TNNI1: variants seen among roughly 807,000 people sequenced by gnomAD.
TNNI1 encodes troponin I1, slow skeletal type, also known as troponin I, slow skeletal muscle.
In TNNI1, 14 loss-of-function variants were observed where a neutral mutation model predicts 26.7. The observed-to-expected ratio is 0.52, with a 90% CI of 0.35 to 0.82. The LOEUF is 0.82. TNNI1 is among the 40% of genes least tolerant of loss of function. The pLI, the probability that TNNI1 is intolerant of heterozygous loss-of-function variation, is 0.01. For missense variants in TNNI1, 164 were observed against 257.0 expected (o/e 0.64, Z 2.47); for synonymous variants, 79 against 98.2 (o/e 0.80, Z 1.16).
intron 1 of TNNI1, among the ~76,000 whole-genome samples, chr1:201,420,291 G>A (rs143350328): frequency 1.3e-5 from 2 of 152,360 alleles, no homozygotes; most frequent in African/African-American, 2.4e-5. Flanking sequence ...CCCCTCAGAC[G>A]GGGGCCCTTG....
chr1:201,418,124 A>C (rs1662787225), intron 1 of TNNI1, among the ~76,000 whole-genome samples: 1 of 151,918 alleles, frequency 6.6e-6, no homozygotes, highest in Admixed American at 6.6e-5. Context: ...TTTCCAGATA[A>C]AGCTTGCCAA....
Position 201,405,989 on chromosome 1 carries a change from C to G in TNNI1, c.*3264G>C, listed in dbSNP as rs139629926. On this transcript the variant is annotated 3_prime_UTR_variant, in exon 9 of 9. Transcript: ENST00000361379. ...ATGTTGGAGGAAGGCCTCACCTTAGCCCATCTGTATGTCACCTGCATCTCC... is the reference window on the plus strand; with the variant it reads ...ATGTTGGAGGAAGGCCTCACCTTAGGCCATCTGTATGTCACCTGCATCTCC... 2.0e-5 allele frequency: 3 copies of G among 152,576 alleles called. No individual in the cohort carries two copies. The highest frequency in any genetic ancestry group is 4.4e-5 in the Non-Finnish European group (3 of 68,326). 9.5% of individuals were successfully genotyped at this position (152,576 alleles called of 1,614,324 possible). A position where few individuals can be genotyped will look rare whatever the true frequency, so the allele number is the denominator to read the frequency against.
At position 201,411,031 on chromosome 1, in the gene TNNI1, T is replaced by A. The variant is rs1008966542; in HGVS notation, c.456+326A>T. Among the ~76,000 whole-genome samples, 6 of 152,236 alleles carry A rather than the reference T, an allele frequency of 3.9e-5. No homozygotes were observed. The highest frequency in any genetic ancestry group is 1.4e-4 in the African/African-American group (6 of 41,466). On this transcript the variant is annotated intron_variant, in intron 7 of 8. Transcript: ENST00000361379. This position sits in a 1 kb window ranked among gnomAD's most constrained non-coding sequence, Gnocchi z 4.6. ...GAGCTGCTGTCTCCTTTCCCTGTGG[T>A]GACCAGGCAGTCATCTCCACCATTA... is the stretch of plus-strand genomic sequence containing the variant.
Position 201,413,080 on chromosome 1 carries a change from ATCCACCACC to A in TNNI1, c.222_230del (p.Glu74_Val76del). The A allele has an allele frequency of 1.2e-6, 2 of 1,613,994 alleles. No homozygotes were observed. Among genetic ancestry groups the A allele is most frequent in the Non-Finnish European group, 1.7e-6 (2 of 1,179,940 alleles). On this transcript the variant is annotated inframe_deletion, in exon 6 of 9. Coordinates refer to ENST00000361379, the MANE Select transcript of TNNI1 (RefSeq NM_003281.4). ...TGGCCTCAATGTCGTATCGCTCCTC[ATCCACCACC>A]TCCACCTTGGCGTGCAGCTCCCGGC...
At position 201,405,954 on chromosome 1, in the gene TNNI1, C is replaced by G. The variant is rs971697368; in HGVS notation, c.*3299G>C. 2.0e-5 allele frequency: 3 copies of G among 152,458 alleles called. No homozygotes were observed. The highest frequency in any genetic ancestry group is 4.4e-5 in the Non-Finnish European group (3 of 68,238). 9.4% of individuals were successfully genotyped at this position (152,458 alleles called of 1,614,324 possible). A position where few individuals can be genotyped will look rare whatever the true frequency, so the allele number is the denominator to read the frequency against. On this transcript the variant is annotated 3_prime_UTR_variant, in exon 9 of 9. Transcript: ENST00000361379. ...TAGCACCCTATCCCTCCACTCTCAGCCAGGGCCCCATGTTGGAGGAAGGCC... is the reference window on the plus strand; with the variant it reads ...TAGCACCCTATCCCTCCACTCTCAGGCAGGGCCCCATGTTGGAGGAAGGCC...
intron 8 of TNNI1, 56 bp downstream of exon 8, chr1:201,410,270 C>T: frequency 1.3e-6 from 2 of 1,514,204 alleles, no homozygotes; most frequent in Non-Finnish European, 1.8e-6. Flanking sequence ...TGTGGACTCC[C>T]TCATTATCCT....
intron 2 of TNNI1, among the ~76,000 whole-genome samples, chr1:201,417,568 G>A (rs1340024805): frequency 2.0e-5 from 3 of 152,178 alleles, no homozygotes; most frequent in Admixed American, 6.5e-5. Flanking sequence ...AGCCAAAAAG[G>A]CACTCCCAGG....
chr1:201,405,575 C>CG lies in TNNI1; in HGVS notation c.*3677dup. 1 of 152,854 alleles carries CG rather than the reference C, an allele frequency of 6.5e-6. No homozygotes were observed. Among genetic ancestry groups the CG allele is most frequent in the Non-Finnish European group, 1.5e-5 (1 of 68,126 alleles). The allele number at this position is 152,854 out of a possible 1,614,324, so 9.5% of individuals were successfully genotyped here. A position where few individuals can be genotyped will look rare whatever the true frequency, so the allele number is the denominator to read the frequency against. ...CTTGTGGGGAGTATGACTCACTTCG[C>CG]GGGGGGCCATTGTGGCTAATGTTTA... On this transcript the variant is annotated 3_prime_UTR_variant, in exon 9 of 9. Transcript: ENST00000361379.
At chr1:201,417,513 A>G (rs865930813) in intron 2 of TNNI1, among the ~76,000 whole-genome samples, 4 of 152,154 alleles carry the variant, frequency 2.6e-5, no homozygotes, top group East Asian at 1.9e-4. Context: ...GGCCTGGTAC[A>G]TGCAATTCAT....
chr1:201,413,416 G>A (rs1275339818), intron 5 of TNNI1, among the ~76,000 whole-genome samples: 1 of 88,800 alleles, frequency 1.1e-5, no homozygotes. Flanking sequence ...GACAGAGCGA[G>A]ACTCCGTCTC....
At chr1:201,415,634 A>C (rs1662722281) in intron 3 of TNNI1, among the ~76,000 whole-genome samples, 1 of 152,200 alleles carries the variant, frequency 6.6e-6, no homozygotes, top group Admixed American at 6.5e-5. Context: ...ATGGATGTGC[A>C]AATCCTTTGA....
At position 201,404,178 on chromosome 1, in the gene TNNI1, C is replaced by G. The variant is rs1662472442; in HGVS notation, c.*5075G>C. 6.6e-6 allele frequency: 1 copy of G among 152,100 alleles called. No homozygotes were observed. Among genetic ancestry groups the G allele is most frequent in the Admixed American group, 6.5e-5 (1 of 15,270 alleles). The allele number at this position is 152,100 out of a possible 1,614,324, so 9.4% of individuals were successfully genotyped here. ...TCCCCTCCCTCGAGGTTCTGAGGAG[C>G]CTCAGAACAGACGTTCAACCTCTGG... On this transcript the variant is annotated 3_prime_UTR_variant, in exon 9 of 9. Transcript: ENST00000361379.
intron 1 of TNNI1, among the ~76,000 whole-genome samples, chr1:201,419,365 G>A (rs1372658289): frequency 6.6e-6 from 1 of 152,336 alleles, no homozygotes; most frequent in Admixed American, 6.5e-5. Context: ...CAATGCAGGG[G>A]AAGGGAGGAA....
chr1:201,414,551 C>A lies in TNNI1; in HGVS notation c.156G>T (p.Leu52=), dbSNP rs746701305. The change falls in exon 5 of 9, where the codon CTG becomes CTT. Residue 52 remains leucine (L), a synonymous_variant. Transcript: ENST00000361379. ...VRYLAERIPT[L]QTRGLSLSAL... is the part of the protein sequence containing the mutation. ...CACTGAGGGACAGGCCACGGGTCTG[C>A]AGCGTGGGGATGCGCTCTGCCAGGT... The A allele has an allele frequency of 3.7e-6, 6 of 1,612,242 alleles. No individual in the cohort carries two copies. In the South Asian group the frequency reaches 6.6e-5, roughly 18 times the overall value.
At chr1:201,414,420 T>G in intron 5 of TNNI1, 98 bp downstream of exon 5, 16 of 1,077,096 alleles carry the variant, frequency 1.5e-5, no homozygotes, top group Non-Finnish European at 1.9e-5. Context: ...TATGGAGCCT[T>G]GAGCTGGTGT....
In TNNI1 at chr1:201,408,577, C is replaced by T. The variant is rs1483839911; in HGVS notation, c.*676G>A. On this transcript the variant is annotated 3_prime_UTR_variant, in exon 9 of 9. Coordinates refer to ENST00000361379, the MANE Select transcript of TNNI1 (RefSeq NM_003281.4). ...GAGAAGCGGCTCTTAATGGAGAGGCCTCTTCTGATGGCCAGAGTCAGGGGC... is the reference window on the plus strand; with the variant it reads ...GAGAAGCGGCTCTTAATGGAGAGGCTTCTTCTGATGGCCAGAGTCAGGGGC... 1 of 152,468 alleles carries T rather than the reference C, an allele frequency of 6.6e-6. No homozygotes were observed. Among genetic ancestry groups the T allele is most frequent in the African/African-American group, 2.4e-5 (1 of 41,332 alleles). The allele number at this position is 152,468 out of a possible 1,614,324, so 9.4% of individuals were successfully genotyped here. A position where few individuals can be genotyped will look rare whatever the true frequency, so the allele number is the denominator to read the frequency against.
rs138552643 is a variant in TNNI1, at chr1:201,413,101, G to A, written c.210C>T (p.His70=). Residue 70 remains histidine, a synonymous_variant, in exon 6 of 9, where the codon CAC becomes CAT. Transcript: ENST00000361379. ...CCTCATCCACCACCTCCACCTTGGC[G>A]TGCAGCTCCCGGCACAGGTCCTGGG... The part of the protein sequence containing the change: ...SALQDLCREL[H]AKVEVVDEER... The A allele has an allele frequency of 1.9e-5, 30 of 1,613,958 alleles. No individual in the cohort carries two copies. Among genetic ancestry groups the A allele is most frequent in the African/African-American group, 1.7e-4 (13 of 74,926 alleles).
chr1:201,412,052 C>G (rs1662644073), intron 6 of TNNI1, among the ~76,000 whole-genome samples: 1 of 152,220 alleles, frequency 6.6e-6, no homozygotes, highest in Non-Finnish European at 1.5e-5. Context: ...AACCACTGCA[C>G]ATTTGCTGAT....
At chr1:201,419,613 C>T (rs1662820866) in intron 1 of TNNI1, among the ~76,000 whole-genome samples, 1 of 152,154 alleles carries the variant, frequency 6.6e-6, no homozygotes, top group Non-Finnish European at 1.5e-5. Context: ...TAATTGTATC[C>T]CAGAGCCACC....
Sources: gnomAD v4.1 joint callset for allele counts (sites outside exome capture counted in the v4.1 genomes callset) on GRCh38, gnomAD v4.1.1 for gene constraint, Gnocchi (gnomAD v3.1) non-coding constraint, MANE v1.5 for transcripts, NCBI Gene and HGNC (gene_info 2026-07-23, HGNC 2026-07-21) for gene names.